The following IMMP2L variants were observed in gnomAD, a reference collection of about 807,000 sequenced individuals.
IMMP2L encodes inner mitochondrial membrane peptidase subunit 2.
In IMMP2L, 18 loss-of-function variants were observed where a neutral mutation model predicts 19.3. The observed-to-expected ratio is 0.93, with a 90% CI of 0.64 to 1.38. The LOEUF (loss-of-function observed/expected upper bound fraction) is 1.38. IMMP2L is among the 40% of genes most tolerant of loss of function. The probability of loss-of-function intolerance (pLI) is 0.00; values close to 1 mark genes in which losing one functional copy is unlikely to be tolerated. For synonymous variants in IMMP2L, 76 were observed against 73.0 expected (o/e 1.04, Z -0.21); for missense variants, 233 against 218.2 (o/e 1.07, Z -0.43).
chr7:110,754,525 G>A (rs1797924851), intron 5 of IMMP2L, among the ~76,000 whole-genome samples: 1 of 151,882 alleles, frequency 6.6e-6, no homozygotes, highest in African/African-American at 2.4e-5. Context: ...GCTTTTCTAT[G>A]GGTACAGAAA....
intron 4 of IMMP2L, among the ~76,000 whole-genome samples, chr7:110,953,030 C>T (rs1428883628): frequency 2.0e-5 from 3 of 152,038 alleles, no homozygotes; most frequent in South Asian, 2.1e-4. Context: ...CCAATACCTA[C>T]CTAGCAAAGG....
At chr7:111,136,973 G>A (rs553713709) in intron 3 of IMMP2L, among the ~76,000 whole-genome samples, 11 of 152,218 alleles carry the variant, frequency 7.2e-5, no homozygotes, top group African/African-American at 2.6e-4. Context: ...AAATTGAAAG[G>A]TTGAAAGGTG....
intron 5 of IMMP2L, among the ~76,000 whole-genome samples, chr7:110,792,345 T>C (rs1225372237): frequency 1.3e-5 from 2 of 151,834 alleles, no homozygotes; most frequent in African/African-American, 4.9e-5. Flanking sequence ...ACCATTTTTT[T>C]CCCTTCTCTA....
At chr7:110,672,409 C>T (rs914577480) in intron 5 of IMMP2L, among the ~76,000 whole-genome samples, 4 of 152,098 alleles carry the variant, frequency 2.6e-5, no homozygotes, top group Admixed American at 1.3e-4. Context: ...GGGGACACAA[C>T]CAAACCATAT....
chr7:111,293,581 G>T (rs1210934565), intron 3 of IMMP2L, among the ~76,000 whole-genome samples: 1 of 151,666 alleles, frequency 6.6e-6, no homozygotes, highest in Non-Finnish European at 1.5e-5. Context: ...GATTGACAAG[G>T]ATATAATATT....
chr7:111,031,434 G>C (rs1790811620), intron 3 of IMMP2L, among the ~76,000 whole-genome samples: 1 of 148,530 alleles, frequency 6.7e-6, no homozygotes, highest in Admixed American at 6.8e-5. Flanking sequence ...CTATATTGAT[G>C]TGGATATGTC....
intron 3 of IMMP2L, among the ~76,000 whole-genome samples, chr7:111,179,921 C>T (rs1413442505): frequency 6.6e-6 from 1 of 151,844 alleles, no homozygotes; most frequent in Non-Finnish European, 1.5e-5. Context: ...CTAACTTTTG[C>T]TAGCTTCCAA....
At chr7:111,396,573 G>A (rs1445913784) in intron 3 of IMMP2L, among the ~76,000 whole-genome samples, 2 of 151,906 alleles carry the variant, frequency 1.3e-5, no homozygotes, top group African/African-American at 4.8e-5. Context: ...CCTAGATGAT[G>A]GGTTGACAGG....
At chr7:111,058,393 A>T (rs1191636682) in intron 3 of IMMP2L, among the ~76,000 whole-genome samples, 1 of 152,202 alleles carries the variant, frequency 6.6e-6, no homozygotes, top group Non-Finnish European at 1.5e-5. Context: ...TTCAAACTTC[A>T]GATTTAAAAG....
chr7:111,087,508 T>G (rs1796454843), intron 3 of IMMP2L, among the ~76,000 whole-genome samples: 1 of 150,282 alleles, frequency 6.7e-6, no homozygotes, highest in Non-Finnish European at 1.5e-5. Flanking sequence ...TCAACTGGAA[T>G]AGGTATAATT....
chr7:111,359,581 C>T (rs914160241), intron 3 of IMMP2L, among the ~76,000 whole-genome samples: 3 of 152,118 alleles, frequency 2.0e-5, no homozygotes, highest in South Asian at 2.1e-4. Flanking sequence ...GAATTACAGA[C>T]GTAAGTCACC....
At chr7:111,043,873 C>G (rs985196116) in intron 3 of IMMP2L, among the ~76,000 whole-genome samples, 2 of 152,168 alleles carry the variant, frequency 1.3e-5, no homozygotes, top group Non-Finnish European at 2.9e-5. Flanking sequence ...ACTTGACCTT[C>G]AAATACAAGA....
intron 3 of IMMP2L, chr7:111,411,334 G>A: frequency 2.6e-6 from 1 of 386,694 alleles, no homozygotes; most frequent in South Asian, 2.1e-5. Flanking sequence ...ATATACCCAG[G>A]ACCTAGCCAA....
chr7:111,118,190 T>C (rs1270712678), intron 3 of IMMP2L, among the ~76,000 whole-genome samples: 1 of 152,082 alleles, frequency 6.6e-6, no homozygotes, highest in African/African-American at 2.4e-5. Context: ...AACTGAAAAC[T>C]TGGTGAGCAG....
intron 3 of IMMP2L, among the ~76,000 whole-genome samples, chr7:111,086,314 C>G (rs141510402): frequency 6.6e-6 from 1 of 151,254 alleles, no homozygotes; most frequent in African/African-American, 2.4e-5. Context: ...GTGGCTTGTG[C>G]CTGTGGTCCT....
intron 5 of IMMP2L, among the ~76,000 whole-genome samples, chr7:110,742,459 T>G (rs1203652582): frequency 6.6e-6 from 1 of 152,158 alleles, no homozygotes; most frequent in Non-Finnish European, 1.5e-5. Flanking sequence ...TGAAACACTA[T>G]GCGACTATTA....
At chr7:110,933,822 AAAAG>A (rs1304049515) in intron 4 of IMMP2L, among the ~76,000 whole-genome samples, 3 of 152,178 alleles carry the variant, frequency 2.0e-5, no homozygotes, top group African/African-American at 7.2e-5. Context: ...CAAACACAGA[AAAAG>A]AAAGACAATA....
At chr7:110,735,378 C>T (rs1457044831) in intron 5 of IMMP2L, among the ~76,000 whole-genome samples, 1 of 151,980 alleles carries the variant, frequency 6.6e-6, no homozygotes, top group African/African-American at 2.4e-5. Flanking sequence ...ATTAAACTTC[C>T]ACTCTTAACC....
At chr7:110,749,176 C>A (rs571931684) in intron 5 of IMMP2L, among the ~76,000 whole-genome samples, 2 of 152,246 alleles carry the variant, frequency 1.3e-5, no homozygotes, top group African/African-American at 4.8e-5. Context: ...TAGAGAAATG[C>A]AAATCAAAAC....
Sources: gnomAD v4.1 joint callset for allele counts (sites outside exome capture counted in the v4.1 genomes callset) on GRCh38, gnomAD v4.1.1 for gene constraint, MANE v1.5 for transcripts, NCBI Gene and HGNC (gene_info 2026-07-23, HGNC 2026-07-21) for gene names.